Variants in CLVS2 observed in about 807,000 individuals in gnomAD.
The protein encoded by CLVS2 is clavesin 2.
CLVS2 carries 19 observed loss-of-function variants against 29.0 expected under a neutral mutation model. The observed-to-expected ratio is 0.66, with a 90% CI of 0.46 to 0.96. The LOEUF is 0.96. Ranked by LOEUF, CLVS2 falls within the 40% of genes least tolerant of loss-of-function variation. The pLI, the probability that CLVS2 is intolerant of heterozygous loss-of-function variation, is 0.00. For missense variants in CLVS2, 294 were observed against 404.1 expected (o/e 0.73, Z 2.34); for synonymous variants, 161 against 151.3 (o/e 1.06, Z -0.47).
At chr6:123,031,262 T>C (rs1775080170) in intron 3 of CLVS2, among the ~76,000 whole-genome samples, 2 of 152,228 alleles carry the variant, frequency 1.3e-5, no homozygotes, top group South Asian at 4.1e-4. Flanking sequence ...TGAGCCCTTA[T>C]GCCTTGCCTA....
chr6:123,051,685 T>C (rs555333507), intron 4 of CLVS2, among the ~76,000 whole-genome samples: 1 of 152,290 alleles, frequency 6.6e-6, no homozygotes, highest in South Asian at 2.1e-4. Flanking sequence ...TCATCTGTTC[T>C]TTTTCACTCC....
chr6:123,032,764 C>A (rs1775100052), intron 3 of CLVS2, among the ~76,000 whole-genome samples: 1 of 151,972 alleles, frequency 6.6e-6, no homozygotes, highest in Non-Finnish European at 1.5e-5. Context: ...GTGGAGTAAG[C>A]AGTAGATTTG....
intron 3 of CLVS2, among the ~76,000 whole-genome samples, chr6:123,032,053 C>A (rs981206017): frequency 6.6e-6 from 1 of 152,004 alleles, no homozygotes; most frequent in Non-Finnish European, 1.5e-5. Flanking sequence ...ACTTTCTTTT[C>A]TAATTTGTCT....
At chr6:123,030,752 C>A in intron 3 of CLVS2, among the ~76,000 whole-genome samples, 1 of 150,900 alleles carries the variant, frequency 6.6e-6, no homozygotes, top group East Asian at 1.9e-4. Context: ...TCGAGTTAAT[C>A]TTAGGGCTTT....
At chr6:123,012,509 A>G (rs1051794900) in intron 3 of CLVS2, among the ~76,000 whole-genome samples, 3 of 152,054 alleles carry the variant, frequency 2.0e-5, no homozygotes, top group South Asian at 4.1e-4. Flanking sequence ...TAAAAAAAAA[A>G]CACTTCAAGA....
intron 3 of CLVS2, among the ~76,000 whole-genome samples, chr6:123,014,639 A>G (rs1299204766): frequency 6.6e-6 from 1 of 152,046 alleles, no homozygotes; most frequent in East Asian, 1.9e-4. Context: ...GGTAATATCA[A>G]TGATTAAAGT....
Position 123,056,039 on chromosome 6 carries a change from T to A in CLVS2, c.896+13T>A. ...AGTCCATGAAGAGGTATGCTGGAGG[T>A]AGACTGGGGAGTGGGCTGGGCCAGG... is the stretch of plus-strand genomic sequence containing the variant. On this transcript the variant is annotated intron_variant, in intron 5 of 5. Transcript: ENST00000275162. 1 of 1,591,674 alleles carries A rather than the reference T, an allele frequency of 6.3e-7. No individual in the cohort carries two copies. The highest frequency in any genetic ancestry group is 8.6e-7 in the Non-Finnish European group (1 of 1,161,996).
intron 5 of CLVS2, among the ~76,000 whole-genome samples, chr6:123,059,369 G>A (rs1772742610): frequency 6.6e-6 from 1 of 152,122 alleles, no homozygotes; most frequent in Non-Finnish European, 1.5e-5. Context: ...CCACCCCAAA[G>A]TAAGCTTCAA....
In CLVS2 at chr6:123,011,057, A is replaced by G. The variant is rs147496902; in HGVS notation, c.462A>G (p.Gln154=). ...CCATGATTGAAGATCCTGAGCTTCA[A>G]GTGAATGGGTTTGTTTTGATCATAG... ...LEAMIEDPEL[Q]VNGFVLIIDW... Residue 154 remains glutamine (Q), a synonymous_variant, in exon 3 of 6, where the codon CAA becomes CAG. Transcript: ENST00000275162. 3 of 1,610,928 alleles carry G rather than the reference A, an allele frequency of 1.9e-6. No individual in the cohort carries two copies. The highest frequency in any genetic ancestry group is 2.5e-6 in the Non-Finnish European group (3 of 1,178,286).
At chr6:123,002,924 A>C (rs1421082239) in intron 2 of CLVS2, among the ~76,000 whole-genome samples, 1 of 152,190 alleles carries the variant, frequency 6.6e-6, no homozygotes, top group Non-Finnish European at 1.5e-5. Flanking sequence ...TATGTATTCC[A>C]TGGGACTTCT....
rs1195753912 is a variant in CLVS2 at position 123,063,935 on chromosome 6, G to A, written c.*174G>A. 2 of 445,308 alleles carry A rather than the reference G, an allele frequency of 4.5e-6. No homozygotes were observed. Among genetic ancestry groups the A allele is most frequent in the Non-Finnish European group, 8.0e-6 (2 of 249,854 alleles). The allele number at this position is 445,308 out of a possible 1,614,324, so 27.6% of individuals were successfully genotyped here. ...GCCTGAACCATGGGGGCCCTGGGCTGGATTTTTAAAATGTCAATAATTTAT... is the reference window on the plus strand; with the variant it reads ...GCCTGAACCATGGGGGCCCTGGGCTAGATTTTTAAAATGTCAATAATTTAT... On this transcript the variant is annotated 3_prime_UTR_variant, in exon 6 of 6. Transcript: ENST00000275162.
chr6:123,011,188 G>A (rs773228597), intron 3 of CLVS2, 29 bp downstream of exon 3: 1 of 1,475,252 alleles, frequency 6.8e-7, no homozygotes, highest in South Asian at 1.4e-5. Context: ...CTACTTCCTT[G>A]GTCTCTTGTG....
chr6:123,046,573 C>T (rs13209611), intron 3 of CLVS2, among the ~76,000 whole-genome samples: 4,653 of 151,528 alleles, frequency 0.031, 85 homozygotes, highest in South Asian at 0.036. Flanking sequence ...GCAGGAGAAT[C>T]GCTTGAACCT....
At chr6:123,008,852 C>G (rs968149398) in intron 2 of CLVS2, among the ~76,000 whole-genome samples, 2 of 151,914 alleles carry the variant, frequency 1.3e-5, no homozygotes, top group Non-Finnish European at 2.9e-5. Flanking sequence ...TGTTCACCCA[C>G]ACATGTTTCA....
chr6:123,000,306 C>T (rs1342086164), intron 2 of CLVS2, among the ~76,000 whole-genome samples: 1 of 152,082 alleles, frequency 6.6e-6, no homozygotes, highest in East Asian at 1.9e-4. Context: ...GAATTTCTTC[C>T]TATATTAAAA....
intron 3 of CLVS2, among the ~76,000 whole-genome samples, chr6:123,019,422 A>C (rs1359718247): frequency 6.6e-6 from 1 of 152,080 alleles, no homozygotes; most frequent in Non-Finnish European, 1.5e-5. Flanking sequence ...AGGAATAAAT[A>C]TATCATCCCT....
intron 3 of CLVS2, among the ~76,000 whole-genome samples, chr6:123,041,844 T>A (rs1775238640): frequency 6.6e-6 from 1 of 152,162 alleles, no homozygotes; most frequent in Admixed American, 6.5e-5. Context: ...GAACATCAAT[T>A]TTCAATTTAA....
At chr6:123,053,073 G>A (rs549829409) in intron 4 of CLVS2, among the ~76,000 whole-genome samples, 7 of 134,126 alleles carry the variant, frequency 5.2e-5, no homozygotes, top group Admixed American at 1.4e-4. Context: ...CAGGCCAGGC[G>A]CAGTGGCTCG....
intron 5 of CLVS2, among the ~76,000 whole-genome samples, chr6:123,059,947 T>C (rs1375318312): frequency 1.3e-5 from 2 of 152,152 alleles, no homozygotes; most frequent in African/African-American, 4.8e-5. Context: ...CATTGTTTGG[T>C]GTACGTTTGG....
Sources: allele counts gnomAD v4.1 joint callset (sites outside exome capture counted in the v4.1 genomes callset), GRCh38; gene constraint gnomAD v4.1.1; transcripts MANE v1.5; gene names NCBI Gene and HGNC (gene_info 2026-07-23, HGNC 2026-07-21).